PCDH15: variants seen among roughly 807,000 people sequenced by gnomAD.
PCDH15 encodes protocadherin related 15.
PCDH15 carries 129 observed loss-of-function variants against 178.5 expected under a neutral mutation model. The observed-to-expected ratio is 0.72, with a 90% CI of 0.63 to 0.84. The LOEUF is 0.84. Among genes scored for constraint, PCDH15 ranks in the 40% least tolerant of loss-of-function variants. The probability of loss-of-function intolerance (pLI) is 0.00; values close to 1 mark genes in which losing one functional copy is unlikely to be tolerated. For synonymous variants in PCDH15, 800 were observed against 732.0 expected, an observed-to-expected ratio of 1.09 and a Z score of -1.50; for missense variants, 2,230 against 2,099.9, an observed-to-expected ratio of 1.06 and a Z score of -1.21.
At position 55,371,406 on chromosome 10, in the gene PCDH15, A is replaced by G. The variant is rs534895137; in HGVS notation, c.-155-204755T>C. Among the ~76,000 whole-genome samples the G allele has an allele frequency of 2.0e-5, 3 of 152,166 alleles. No homozygotes were observed. The East Asian group carries it at 5.8e-4, about 29-fold the overall frequency. On this transcript the variant is annotated intron_variant, in intron 2 of 5. Coordinates refer to the PCDH15 transcript ENST00000613346. ...TCTGAAGGATGCTAAAAATTTCAGA[A>G]CCACTGCAATAGTGATATGATTTGG... is the stretch of plus-strand genomic sequence containing the variant.
At chr10:54,976,587 G>A (rs759806038) in intron 2 of PCDH15, among the ~76,000 whole-genome samples, 3 of 152,150 alleles carry the variant, frequency 2.0e-5, no homozygotes, top group Non-Finnish European at 4.4e-5. Context: ...GTTGTGAGTT[G>A]TGGTAATGTC....
chr10:55,067,346 T>C (rs1403248665), intron 2 of PCDH15, among the ~76,000 whole-genome samples: 1 of 152,012 alleles, frequency 6.6e-6, no homozygotes, highest in Non-Finnish European at 1.5e-5. Flanking sequence ...TGTCTTTTTG[T>C]GCCTGTCTCA....
chr10:55,305,268 C>T (rs1374050180), intron 1 of PCDH15, among the ~76,000 whole-genome samples: 2 of 152,184 alleles, frequency 1.3e-5, no homozygotes, highest in Non-Finnish European at 2.9e-5. Context: ...ATTGGATCTG[C>T]CTGGTTTCAT....
chr10:54,479,387 T>C (rs1006028661), intron 3 of PCDH15, among the ~76,000 whole-genome samples: 1 of 152,046 alleles, frequency 6.6e-6, no homozygotes, highest in Non-Finnish European at 1.5e-5. Flanking sequence ...TGTGTGTGTG[T>C]AACATATTGA....
chr10:53,985,426 T>C (rs997758281), intron 21 of PCDH15, among the ~76,000 whole-genome samples: 14 of 152,284 alleles, frequency 9.2e-5, no homozygotes, highest in Middle Eastern at 6.8e-3. Context: ...GACAGTGGCA[T>C]TGTCTTGAAT....
At chr10:54,208,863 T>C (rs1451306252) in intron 10 of PCDH15, among the ~76,000 whole-genome samples, 1 of 152,052 alleles carries the variant, frequency 6.6e-6, no homozygotes, top group African/African-American at 2.4e-5. Context: ...TCTTGTAGCT[T>C]GGCAATAGCA....
At chr10:55,429,313 C>T (rs1838828445) in intron 2 of PCDH15, among the ~76,000 whole-genome samples, 1 of 151,964 alleles carries the variant, frequency 6.6e-6, no homozygotes. Flanking sequence ...GTCATTGTTC[C>T]ACTTTGTTTT....
At chr10:54,974,742 C>G (rs1358226089) in intron 2 of PCDH15, among the ~76,000 whole-genome samples, 4 of 152,030 alleles carry the variant, frequency 2.6e-5, no homozygotes, top group Non-Finnish European at 5.9e-5. Context: ...AAGGGCATAT[C>G]CTTTGATACA....
chr10:54,260,643 C>T (rs6481075), intron 8 of PCDH15, among the ~76,000 whole-genome samples: 104,136 of 151,782 alleles, frequency 0.69, 36,681 homozygotes, highest in Middle Eastern at 0.77. Context: ...TGCAGTGGCG[C>T]GATCTCGGCT....
At chr10:54,283,202 T>G (rs905836290) in intron 8 of PCDH15, among the ~76,000 whole-genome samples, 9 of 152,146 alleles carry the variant, frequency 5.9e-5, no homozygotes, top group African/African-American at 2.2e-4. Context: ...TTAGCAAAGC[T>G]GGACTCTGCA....
intron 1 of PCDH15, among the ~76,000 whole-genome samples, chr10:54,741,469 T>C (rs999175356): frequency 3.3e-5 from 5 of 151,962 alleles, no homozygotes; most frequent in African/African-American, 7.2e-5. Flanking sequence ...TAATCACTGA[T>C]GGCAGAAAAA....
chr10:55,591,796 A>C (rs1842847122), intron 2 of PCDH15, among the ~76,000 whole-genome samples: 1 of 152,098 alleles, frequency 6.6e-6, no homozygotes, highest in African/African-American at 2.4e-5. Context: ...ATAACAAAAA[A>C]ATTTTAAAAA....
chr10:53,806,573 A>AATT lies in PCDH15; in HGVS notation c.*3_*5dup. 1.9e-6 allele frequency: 3 copies of AATT among 1,568,470 alleles called. No individual in the cohort carries two copies. ...AAATTAATTAAAATATCTTTTAAAA[A>AATT]ATTGGTCACAGTTTTGTCATTGGTA... is the stretch of plus-strand genomic sequence containing the variant. On this transcript the variant is annotated 3_prime_UTR_variant, in exon 38 of 38. Transcript: ENST00000644397.
At chr10:54,796,851 CT>C (rs1564488207) in intron 1 of PCDH15, among the ~76,000 whole-genome samples, 1 of 151,936 alleles carries the variant, frequency 6.6e-6, no homozygotes, top group Non-Finnish European at 1.5e-5. Context: ...TTTAATGACC[CT>C]TTTCTGGATT....
At chr10:54,411,968 C>T (rs1449652496) in intron 3 of PCDH15, among the ~76,000 whole-genome samples, 1 of 152,056 alleles carries the variant, frequency 6.6e-6, no homozygotes, top group Admixed American at 6.6e-5. Flanking sequence ...GAATATTTAG[C>T]TTTTTGGGGC....
intron 1 of PCDH15, among the ~76,000 whole-genome samples, chr10:55,220,565 C>G (rs928937117): frequency 6.6e-6 from 1 of 151,996 alleles, no homozygotes; most frequent in African/African-American, 2.4e-5. Context: ...GTGGTAAAGA[C>G]TATATTTCTC....
intron 2 of PCDH15, among the ~76,000 whole-genome samples, chr10:55,602,861 AC>A (rs1843120315): frequency 6.6e-6 from 1 of 152,204 alleles, no homozygotes; most frequent in African/African-American, 2.4e-5. Flanking sequence ...ACAGTTCCTC[AC>A]CAGCAACGGA....
rs577147252 is a variant in PCDH15 at position 54,893,519 on chromosome 10, G to C, written c.-29+3931C>G. On this transcript the variant is annotated intron_variant, in intron 3 of 5. Coordinates refer to the PCDH15 transcript ENST00000458638. ...GATGGTAATAAAGTAAATTGTCCTT[G>C]AGCAGAATAACTTGCTTGGTTAGTG... 5.9e-4 allele frequency among the ~76,000 whole-genome samples: 89 copies of C among 152,128 alleles called. 2 individuals are homozygous for C. The South Asian group carries it at 0.018, about 30-fold the overall frequency.
At chr10:54,968,682 G>A (rs920895711) in intron 2 of PCDH15, among the ~76,000 whole-genome samples, 4 of 152,026 alleles carry the variant, frequency 2.6e-5, no homozygotes, top group South Asian at 2.1e-4. Flanking sequence ...AGAGTCTGTC[G>A]AATCTGGAAA....
Sources: gnomAD v4.1 joint callset for allele counts (sites outside exome capture counted in the v4.1 genomes callset) on GRCh38, gnomAD v4.1.1 for gene constraint, MANE v1.5 for transcripts, NCBI Gene and HGNC (gene_info 2026-07-23, HGNC 2026-07-21) for gene names.